COBL: variants seen among roughly 807,000 people sequenced by gnomAD.
COBL encodes protein cordon-bleu.
A neutral mutation model predicts 98.8 loss-of-function variants in COBL; 51 were observed. The ratio of observed to expected loss-of-function variants is 0.52; its 90% confidence interval spans 0.41 to 0.65. The LOEUF (loss-of-function observed/expected upper bound fraction) is 0.65. COBL is among the 30% of genes least tolerant of loss of function. The pLI, the probability that COBL is intolerant of heterozygous loss-of-function variation, is 0.00. For missense variants in COBL, 1,617 were observed against 1,617.5 expected (o/e 1.00, Z 0.01); for synonymous variants, 634 against 651.7 (o/e 0.97, Z 0.41).
intron 2 of COBL, among the ~76,000 whole-genome samples, chr7:51,214,549 A>G (rs998832898): frequency 6.6e-6 from 1 of 151,970 alleles, no homozygotes; most frequent in Non-Finnish European, 1.5e-5. Context: ...TTTTTGGCCT[A>G]CATCTTGGAG....
At chr7:51,108,031 G>A (rs1240532123) in intron 6 of COBL, among the ~76,000 whole-genome samples, 1 of 152,142 alleles carries the variant, frequency 6.6e-6, no homozygotes, top group African/African-American at 2.4e-5. Context: ...GAGGAAAAGA[G>A]AATATTCCAC....
At chr7:51,112,889 T>C (rs1796960930) in intron 6 of COBL, among the ~76,000 whole-genome samples, 1 of 152,218 alleles carries the variant, frequency 6.6e-6, no homozygotes, top group Admixed American at 6.5e-5. Flanking sequence ...TAGACAAGCA[T>C]ACTCAAGTAT....
chr7:51,025,122 G>T lies in COBL; in HGVS notation c.3755C>A (p.Ala1252Glu). The T allele has an allele frequency of 6.2e-7, 1 of 1,611,876 alleles. No individual in the cohort carries two copies. Among genetic ancestry groups the T allele is most frequent in the South Asian group, 1.1e-5 (1 of 90,974 alleles). The change falls in exon 12 of 13, where the codon GCG becomes GAG. Residue 1252 changes from alanine (A) to glutamate (E), a missense_variant. Physicochemically the swap from Ala to Glu is moderately radical, Grantham distance 107 (BLOSUM62 -1). Coordinates refer to ENST00000265136, the MANE Select transcript of COBL (RefSeq NM_015198.5). Reference protein sequence around the residue: ...MDAIRSGTGAARLRKVPLLV With the variant: ...MDAIRSGTGAERLRKVPLLV ...AGTCGCCATCACCTTTCTCAGTCTC[G>T]CAGCCCCTGTGCCGGAGCGGATGGC... is the stretch of plus-strand genomic sequence containing the variant.
intron 2 of COBL, among the ~76,000 whole-genome samples, chr7:51,214,102 C>A (rs1269664563): frequency 3.3e-5 from 5 of 152,044 alleles, no homozygotes; most frequent in African/African-American, 1.2e-4. Context: ...CCCGTCTCTA[C>A]TAAAAATGCA....
chr7:51,044,760 C>G (rs528078847), intron 7 of COBL, among the ~76,000 whole-genome samples: 4 of 152,300 alleles, frequency 2.6e-5, no homozygotes, highest in Non-Finnish European at 2.9e-5. Flanking sequence ...CAAAATCATG[C>G]ACTGAGAGTG....
chr7:51,263,874 C>T (rs563549619), intron 1 of COBL, among the ~76,000 whole-genome samples: 1 of 152,308 alleles, frequency 6.6e-6, no homozygotes, highest in African/African-American at 2.4e-5. Context: ...GGACTATGAT[C>T]CCCATTTCAA....
chr7:51,124,433 A>T (rs530034406), intron 6 of COBL, among the ~76,000 whole-genome samples: 1 of 152,284 alleles, frequency 6.6e-6, no homozygotes, highest in Admixed American at 6.5e-5. Context: ...GTTGCATGCC[A>T]CTTACCAAGA....
intron 1 of COBL, among the ~76,000 whole-genome samples, chr7:51,266,251 T>G (rs6948250): frequency 0.05 from 7,638 of 152,272 alleles, 638 homozygotes; most frequent in African/African-American, 0.17. Flanking sequence ...CTGCTGTCAT[T>G]AACTTAATTT....
intron 6 of COBL, 103 bp from the exon 7 acceptor site, chr7:51,085,407 G>A (rs979357105): frequency 1.3e-5 from 16 of 1,264,788 alleles, no homozygotes; most frequent in Middle Eastern, 2.0e-4. Context: ...GACCTGCACC[G>A]GAAGGTGGTG....
In COBL at chr7:51,219,848, C is replaced by A. The variant is rs1199945923; in HGVS notation, c.138G>T (p.Gly46=). ...TCATGCGAACCAAGTTCTGCTGCGA[C>A]CCGAGGGCCCCATCGTGGGGGGGCT... ...DQKPPHDGAL[G]SQQNLVRMKE... Residue 46 remains glycine (G), a synonymous_variant, in exon 2 of 13, where the codon GGG becomes GGT. Coordinates refer to ENST00000265136, the MANE Select transcript of COBL (RefSeq NM_015198.5). 1.2e-6 allele frequency: 2 copies of A among 1,613,824 alleles called. No individual in the cohort carries two copies. Among genetic ancestry groups the A allele is most frequent in the East Asian group, 4.5e-5 (2 of 44,870 alleles).
chr7:51,026,450 A>AG, intron 11 of COBL, 96 bp downstream of exon 11: 1 of 1,481,430 alleles, frequency 6.8e-7, no homozygotes, highest in South Asian at 1.3e-5. Context: ...TCCAATCGGA[A>AG]GGACAGAAGC....
At chr7:51,306,258 C>T (rs1802464106) in intron 1 of COBL, among the ~76,000 whole-genome samples, 1 of 152,094 alleles carries the variant, frequency 6.6e-6, no homozygotes, top group African/African-American at 2.4e-5. Flanking sequence ...CCTCTAGAAG[C>T]CCCGATACTG....
At chr7:51,073,307 T>G (rs1323629598) in intron 7 of COBL, 1 of 681,836 alleles carries the variant, frequency 1.5e-6, no homozygotes, top group Admixed American at 2.1e-5. Flanking sequence ...GAAGAGACAC[T>G]GGGAAAGGTC....
chr7:51,165,795 A>G (rs867113033), intron 5 of COBL, among the ~76,000 whole-genome samples: 67 of 152,180 alleles, frequency 4.4e-4, no homozygotes, highest in African/African-American at 1.3e-3. Context: ...ATAAAACTAC[A>G]TATCAGTAAT....
chr7:51,208,859 G>A (rs1489875091), intron 2 of COBL, among the ~76,000 whole-genome samples: 1 of 151,802 alleles, frequency 6.6e-6, no homozygotes, highest in Non-Finnish European at 1.5e-5. Context: ...GATGCTTGAA[G>A]GCAGAGTCAT....
chr7:51,084,289 G>A (rs1793981437), intron 7 of COBL, among the ~76,000 whole-genome samples: 1 of 152,228 alleles, frequency 6.6e-6, no homozygotes, highest in African/African-American at 2.4e-5. Context: ...TTAGGGCAAA[G>A]GCAAAACGCG....
In COBL at chr7:51,043,698, C is replaced by T. The variant is rs372720321; in HGVS notation, c.1097-6G>A. ...AGACCCCAGGGGCAGGCTTACTGGA[C>T]AAGACACGGCAAGGACAGGTCAGCC... On this transcript the variant is annotated splice_polypyrimidine_tract_variant and splice_region_variant and intron_variant, in intron 7 of 12. Transcript: ENST00000265136. 1.7e-5 allele frequency: 28 copies of T among 1,609,116 alleles called. No individual in the cohort carries two copies. The highest frequency in any genetic ancestry group is 2.2e-5 in the Non-Finnish European group (26 of 1,178,282).
rs573956906 is a variant in COBL at position 51,148,839 on chromosome 7, G to A, written c.784-12508C>T. ...AGGGCTGGCCATTCAGACACCCCCC[G>A]GAGGACCACTGCTCCAGGCATCCCC... On this transcript the variant is annotated intron_variant, in intron 5 of 12. Coordinates refer to ENST00000265136, the MANE Select transcript of COBL (RefSeq NM_015198.5). Among the ~76,000 whole-genome samples the A allele has an allele frequency of 8.0e-5, 12 of 150,208 alleles. No individual in the cohort carries two copies. The South Asian group carries it at 1.3e-3, about 16-fold the overall frequency.
chr7:51,093,673 T>G (rs1795015660), intron 6 of COBL, among the ~76,000 whole-genome samples: 1 of 152,156 alleles, frequency 6.6e-6, no homozygotes, highest in African/African-American at 2.4e-5. Context: ...GGGAGATCTC[T>G]TGAAGCCAGG....
Sources: gnomAD v4.1 joint callset for allele counts (sites outside exome capture counted in the v4.1 genomes callset) on GRCh38, gnomAD v4.1.1 for gene constraint, MANE v1.5 for transcripts, NCBI Gene and HGNC (gene_info 2026-07-23, HGNC 2026-07-21) for gene names.